The following XRCC6 variants were observed in gnomAD, a reference collection of about 807,000 sequenced individuals.
XRCC6 encodes the protein X-ray repair cross complementing 6, also known as DNA repair protein Ku70.
XRCC6 carries 5 observed loss-of-function variants against 65.7 expected under a neutral mutation model. The ratio of observed to expected loss-of-function variants is 0.08; its 90% CI spans 0.04 to 0.16. The LOEUF is 0.16. Ranked by LOEUF, XRCC6 falls within the 10% of genes least tolerant of loss-of-function variation. The pLI, the probability that XRCC6 is intolerant of heterozygous loss-of-function variation, is 1.00. For synonymous variants in XRCC6, 270 were observed against 270.6 expected, an observed-to-expected ratio of 1.00 and a Z score of 0.02; for missense variants, 447 against 738.1, an observed-to-expected ratio of 0.61 and a Z score of 4.57.
At chr22:41,654,929 G>A (rs1363418984) in intron 9 of XRCC6, among the ~76,000 whole-genome samples, 2 of 152,190 alleles carry the variant, frequency 1.3e-5, no homozygotes, top group Non-Finnish European at 2.9e-5. Context: ...GTCAACCATG[G>A]TCCAAAAATT....
rs1235657332 is a variant in XRCC6, at chr22:41,663,947, T to C, written c.*132T>C. 7 of 1,015,048 alleles carry C rather than the reference T, an allele frequency of 6.9e-6. No homozygotes were observed. The African/African-American group carries it at 8.1e-5, about 12-fold the overall frequency. 62.9% of individuals were successfully genotyped at this position (1,015,048 alleles called of 1,614,324 possible). On this transcript the variant is annotated 3_prime_UTR_variant, in exon 13 of 13. Coordinates refer to ENST00000360079, the MANE Select transcript of XRCC6 (RefSeq NM_001469.5). The stretch of plus-strand genomic sequence containing the variant: ...ACATAAGTCGAGGGACTTTATGTTT[T>C]TGAGGCTTTCTGTTGCCATGGTGAT...
chr22:41,647,007 A>G lies in XRCC6; in HGVS notation c.885A>G (p.Pro295=). 4 of 1,614,232 alleles carry G rather than the reference A, an allele frequency of 2.5e-6. No homozygotes were observed. The highest frequency in any genetic ancestry group is 3.4e-6 in the Non-Finnish European group (4 of 1,180,046). ...AGCTCTATCGGGAAACAAATGAACC[A>G]GTGAAAACCAAGACCCGGACCTTTA... The part of the protein sequence containing the change: ...PIKLYRETNE[P]VKTKTRTFNT... The change falls in exon 7 of 13, where the codon CCA becomes CCG. Residue 295 remains proline (P), a synonymous_variant. Coordinates refer to ENST00000360079, the MANE Select transcript of XRCC6 (RefSeq NM_001469.5).
intron 2 of XRCC6, among the ~76,000 whole-genome samples, chr22:41,624,734 A>G (rs533836003): frequency 3.3e-4 from 50 of 151,004 alleles, no homozygotes; most frequent in Admixed American, 1.7e-3. Flanking sequence ...GCGGTGGCTC[A>G]CACCTGTAAT....
intron 3 of XRCC6, among the ~76,000 whole-genome samples, chr22:41,631,332 G>C (rs960358911): frequency 2.0e-5 from 3 of 151,660 alleles, no homozygotes; most frequent in Non-Finnish European, 4.4e-5. Flanking sequence ...CTTCCCAGAT[G>C]GGGTGGCTGC....
rs539097662 is a variant in XRCC6 at position 41,652,100 on chromosome 22, A to G, written c.1129+1209A>G. Among the ~76,000 whole-genome samples the G allele has an allele frequency of 5.3e-5, 8 of 152,248 alleles. No homozygotes were observed. The South Asian group carries it at 1.7e-3, about 32-fold the overall frequency. On this transcript the variant is annotated intron_variant, in intron 8 of 12. Transcript: ENST00000360079. The stretch of plus-strand genomic sequence containing the variant: ...CGTCCAGCCTGGAATTTAGCTTTTT[A>G]AAAACAATTTCCCATGTAATTCTTT...
intron 3 of XRCC6, among the ~76,000 whole-genome samples, chr22:41,628,924 C>CCA (rs1278967642): frequency 7.0e-6 from 1 of 143,878 alleles, no homozygotes; most frequent in Non-Finnish European, 1.5e-5. Flanking sequence ...CGAGATTGTG[C>CCA]CACTGCACTC....
intron 9 of XRCC6, among the ~76,000 whole-genome samples, chr22:41,656,346 C>T (rs2068044812): frequency 6.6e-6 from 1 of 151,606 alleles, no homozygotes; most frequent in Non-Finnish European, 1.5e-5. Context: ...CATGGCGAAA[C>T]CCCATCTTTA....
intron 2 of XRCC6, among the ~76,000 whole-genome samples, chr22:41,625,190 G>A (rs1048175256): frequency 6.6e-6 from 1 of 152,142 alleles, no homozygotes; most frequent in African/African-American, 2.4e-5. Flanking sequence ...CTGTAATCCT[G>A]CTACTCAGGA....
chr22:41,654,669 A>G (rs1452864591), intron 9 of XRCC6, among the ~76,000 whole-genome samples: 2 of 152,108 alleles, frequency 1.3e-5, no homozygotes, highest in Admixed American at 6.5e-5. Flanking sequence ...GTTTCCTTTT[A>G]TTTATCACGT....
At chr22:41,637,372 A>T (rs924367437) in intron 5 of XRCC6, among the ~76,000 whole-genome samples, 1 of 152,196 alleles carries the variant, frequency 6.6e-6, no homozygotes, top group East Asian at 1.9e-4. Context: ...GATGTGAGCC[A>T]CTGTGCCTGG....
intron 2 of XRCC6, among the ~76,000 whole-genome samples, chr22:41,626,352 A>T (rs1348399378): frequency 6.6e-6 from 1 of 152,102 alleles, no homozygotes; most frequent in East Asian, 1.9e-4. Context: ...CATGTTGTCC[A>T]GGATGGTCTC....
intron 8 of XRCC6, among the ~76,000 whole-genome samples, chr22:41,652,606 T>G (rs920207616): frequency 1.3e-5 from 2 of 152,156 alleles, no homozygotes; most frequent in Admixed American, 6.6e-5. Flanking sequence ...GCTTAAGCAA[T>G]CTACCTGTCT....
At chr22:41,661,074 C>T (rs1043419445) in intron 11 of XRCC6, among the ~76,000 whole-genome samples, 1 of 152,012 alleles carries the variant, frequency 6.6e-6, no homozygotes, top group South Asian at 2.1e-4. Context: ...ACAAATTTAC[C>T]TATCCTATAG....
chr22:41,643,753 G>A (rs1443451762), intron 6 of XRCC6, among the ~76,000 whole-genome samples: 2 of 151,862 alleles, frequency 1.3e-5, no homozygotes, highest in East Asian at 1.9e-4. Context: ...CTCGGGAGGC[G>A]GAGGTTGCAG....
At chr22:41,628,410 C>G (rs1317212746) in intron 3 of XRCC6, 180 bp downstream of exon 3, 5 of 484,206 alleles carry the variant, frequency 1.0e-5, no homozygotes, top group Non-Finnish European at 1.8e-5. Context: ...ATACACAAAT[C>G]ATCCAGGTGT....
intron 6 of XRCC6, among the ~76,000 whole-genome samples, chr22:41,638,135 C>T (rs1013932195): frequency 6.6e-6 from 1 of 152,124 alleles, no homozygotes; most frequent in Non-Finnish European, 1.5e-5. Context: ...GCTGCTTTAT[C>T]TCTGGCAAGA....
intron 6 of XRCC6, among the ~76,000 whole-genome samples, chr22:41,645,681 G>A (rs929593410): frequency 6.6e-6 from 1 of 151,560 alleles, no homozygotes; most frequent in African/African-American, 2.4e-5. Context: ...TATTTTGATG[G>A]GGCTTTATTC....
In XRCC6 at chr22:41,636,811, A is replaced by G. The variant is rs28384729; in HGVS notation, c.589+41A>G. ...CGTTCTCTTAAATTGGCACTTAATT[A>G]TTGTTTTTTTATTTTTTATTTTTTT... On this transcript the variant is annotated intron_variant, in intron 5 of 12. Coordinates refer to ENST00000360079, the MANE Select transcript of XRCC6 (RefSeq NM_001469.5). 2.3e-3 allele frequency: 3,692 copies of G among 1,588,606 alleles called. 33 individuals are homozygous for G. The highest frequency in any genetic ancestry group is 0.021 in the Middle Eastern group (124 of 5,884).
chr22:41,644,507 T>C (rs963708742), intron 6 of XRCC6, among the ~76,000 whole-genome samples: 2 of 152,172 alleles, frequency 1.3e-5, no homozygotes, highest in African/African-American at 4.8e-5. Flanking sequence ...TTTTTGGAGA[T>C]GGAGTCTTGG....
Sources: gnomAD v4.1 joint callset for allele counts (sites outside exome capture counted in the v4.1 genomes callset) on GRCh38, gnomAD v4.1.1 for gene constraint, MANE v1.5 for transcripts, NCBI Gene and HGNC (gene_info 2026-07-23, HGNC 2026-07-21) for gene names.